Variants in USP49 observed in about 807,000 individuals in gnomAD.
The protein encoded by USP49 is ubiquitin specific peptidase 49.
In USP49, 24 loss-of-function variants were observed where a neutral mutation model predicts 58.6. The observed-to-expected ratio is 0.41, with a 90% CI of 0.30 to 0.58. The LOEUF (loss-of-function observed/expected upper bound fraction) is 0.58. USP49 is among the 20% of genes least tolerant of loss of function. The pLI, the probability that USP49 is intolerant of heterozygous loss-of-function variation, is 0.30. For synonymous variants in USP49, 408 were observed against 365.1 expected (o/e 1.12, Z -1.34); for missense variants, 703 against 866.1 (o/e 0.81, Z 2.36).
intron 3 of USP49, among the ~76,000 whole-genome samples, chr6:41,859,551 A>G (rs1358311585): frequency 6.6e-6 from 1 of 152,144 alleles, no homozygotes; most frequent in Non-Finnish European, 1.5e-5. Flanking sequence ...CTGTGTCCCA[A>G]CTATAACAAA....
At position 41,847,631 on chromosome 6, in the gene USP49, T is replaced by C. The variant is rs528939282; in HGVS notation, c.-29+23933A>G. 2.1e-3 allele frequency among the ~76,000 whole-genome samples: 314 copies of C among 152,132 alleles called. 1 individual carries two copies. Among genetic ancestry groups the C allele is most frequent in the African/African-American group, 6.5e-3 (269 of 41,484 alleles). On this transcript the variant is annotated intron_variant, in intron 3 of 7. Transcript: ENST00000682992. Reference sequence around the variant, plus strand: ...CAGGAGGCTGAGGCAGGAGGATCACTTGAACCCAGGAGGCGGAGGTTGCAG... The same window carrying C: ...CAGGAGGCTGAGGCAGGAGGATCACCTGAACCCAGGAGGCGGAGGTTGCAG...
At chr6:41,865,618 G>A (rs1242337781) in intron 3 of USP49, among the ~76,000 whole-genome samples, 1 of 150,194 alleles carries the variant, frequency 6.7e-6, no homozygotes, top group Non-Finnish European at 1.5e-5. Flanking sequence ...TGGGATTATA[G>A]GCATGAGCCA....
chr6:41,820,164 A>C (rs1159024607), intron 3 of USP49, among the ~76,000 whole-genome samples: 1 of 142,402 alleles, frequency 7.0e-6, no homozygotes, highest in Non-Finnish European at 1.5e-5. Context: ...TACTGTCTGT[A>C]TCTAGCTACA....
At chr6:41,847,311 A>C (rs1468061916) in intron 3 of USP49, among the ~76,000 whole-genome samples, 1 of 152,220 alleles carries the variant, frequency 6.6e-6, no homozygotes, top group Non-Finnish European at 1.5e-5. Context: ...TCCATGACCA[A>C]AAAGATAAAC....
intron 3 of USP49, among the ~76,000 whole-genome samples, chr6:41,815,534 T>C (rs1773334612): frequency 6.6e-6 from 1 of 152,106 alleles, no homozygotes; most frequent in African/African-American, 2.4e-5. Flanking sequence ...GAATGGGCAG[T>C]GTCCTCACAG....
At chr6:41,824,677 G>A (rs1424597352) in intron 3 of USP49, among the ~76,000 whole-genome samples, 2 of 152,146 alleles carry the variant, frequency 1.3e-5, no homozygotes, top group African/African-American at 4.8e-5. Context: ...TTGCACTCCA[G>A]CCTGGGCAAC....
chr6:41,813,981 C>T (rs1238762717), intron 3 of USP49, among the ~76,000 whole-genome samples: 1 of 152,276 alleles, frequency 6.6e-6, no homozygotes, highest in Non-Finnish European at 1.5e-5. Flanking sequence ...AAGAGGAATT[C>T]TATTTTATAT....
intron 3 of USP49, 120 bp from the exon 4 acceptor site, chr6:41,807,131 A>T: frequency 9.1e-7 from 1 of 1,098,462 alleles, no homozygotes. Flanking sequence ...CTCTAGATTC[A>T]TTCATTTTCA....
chr6:41,802,100 T>C (rs1332357086), intron 5 of USP49, among the ~76,000 whole-genome samples: 1 of 152,050 alleles, frequency 6.6e-6, no homozygotes, highest in Admixed American at 6.6e-5. Context: ...TGGAACAGGA[T>C]AGGTGAGTCT....
In USP49 at chr6:41,793,594, C is replaced by T. The variant is rs1772837003; in HGVS notation, c.*2939G>A. On this transcript the variant is annotated 3_prime_UTR_variant, in exon 8 of 8. Coordinates refer to ENST00000682992, the MANE Select transcript of USP49 (RefSeq NM_001286554.2). ...TTACAGTGTAGCACTGCCCCCCAAC[C>T]CTGCCCCATAACTCCGAGACTGAGG... 1 of 152,378 alleles carries T rather than the reference C, an allele frequency of 6.6e-6. No individual in the cohort carries two copies. The highest frequency in any genetic ancestry group is 1.5e-5 in the Non-Finnish European group (1 of 68,198). The allele number at this position is 152,378 out of a possible 1,614,324, so 9.4% of individuals were successfully genotyped here. A position where few individuals can be genotyped will look rare whatever the true frequency, so the allele number is the denominator to read the frequency against.
At chr6:41,820,171 T>A (rs1773429135) in intron 3 of USP49, among the ~76,000 whole-genome samples, 1 of 125,752 alleles carries the variant, frequency 8.0e-6, no homozygotes, top group African/African-American at 2.9e-5. Context: ...TGTATCTAGC[T>A]ACATCATTAG....
At chr6:41,829,014 T>G (rs1773588896) in intron 3 of USP49, among the ~76,000 whole-genome samples, 1 of 152,162 alleles carries the variant, frequency 6.6e-6, no homozygotes, top group African/African-American at 2.4e-5. Flanking sequence ...TTATGTTTTC[T>G]CCCCAAGATA....
intron 3 of USP49, among the ~76,000 whole-genome samples, chr6:41,870,975 C>T (rs184432070): frequency 1.8e-4 from 27 of 151,926 alleles, no homozygotes; most frequent in African/African-American, 5.5e-4. Flanking sequence ...TGCTTGCACC[C>T]GGGAGGCAGA....
chr6:41,862,447 GAA>G (rs1230492050), intron 3 of USP49, among the ~76,000 whole-genome samples: 7 of 152,054 alleles, frequency 4.6e-5, no homozygotes, highest in African/African-American at 1.7e-4. Flanking sequence ...CTTTTTATGT[GAA>G]CTGTCAATTC....
intron 3 of USP49, among the ~76,000 whole-genome samples, chr6:41,839,390 G>A (rs1157603938): frequency 9.5e-6 from 1 of 105,110 alleles, no homozygotes; most frequent in African/African-American, 3.7e-5. Flanking sequence ...GGACAATAGA[G>A]CCAGGCCTTG....
At position 41,796,340 on chromosome 6, in the gene USP49, G is replaced by A; in HGVS notation, c.*193C>T. The A allele has an allele frequency of 2.0e-6, 1 of 510,112 alleles. No individual in the cohort carries two copies. Among genetic ancestry groups the A allele is most frequent in the East Asian group, 2.9e-5 (1 of 34,672 alleles). 31.6% of individuals were successfully genotyped at this position (510,112 alleles called of 1,614,324 possible). On this transcript the variant is annotated 3_prime_UTR_variant, in exon 8 of 8. Coordinates refer to ENST00000682992, the MANE Select transcript of USP49 (RefSeq NM_001286554.2). Reference sequence around the variant, plus strand: ...TACTTCTTTTGTTTTTAGGAAAGGAGGGAACTCCCAAACTCATTCAAAAGA... The same window carrying A: ...TACTTCTTTTGTTTTTAGGAAAGGAAGGAACTCCCAAACTCATTCAAAAGA...
intron 3 of USP49, among the ~76,000 whole-genome samples, chr6:41,827,984 CA>C (rs973239781): frequency 2.0e-5 from 3 of 152,078 alleles, no homozygotes; most frequent in African/African-American, 4.8e-5. Flanking sequence ...TTTGATTGAC[CA>C]CTCTCAGAAT....
intron 3 of USP49, among the ~76,000 whole-genome samples, chr6:41,816,764 C>G (rs1216238790): frequency 6.6e-6 from 1 of 151,992 alleles, no homozygotes; most frequent in East Asian, 1.9e-4. Context: ...GTCACCCAGG[C>G]TGGAGTGCAA....
intron 3 of USP49, among the ~76,000 whole-genome samples, chr6:41,868,310 GTATTTATTTATT>G (rs548129847): frequency 2.0e-5 from 3 of 152,038 alleles, no homozygotes; most frequent in Non-Finnish European, 2.9e-5. Flanking sequence ...GTTAACTTCT[GTATTTATTTATT>G]TATTTATTTA....
Sources: allele counts gnomAD v4.1 joint callset (sites outside exome capture counted in the v4.1 genomes callset), GRCh38; gene constraint gnomAD v4.1.1; transcripts MANE v1.5; gene names NCBI Gene and HGNC (gene_info 2026-07-23, HGNC 2026-07-21).